The following LRRFIP2 variants were observed in gnomAD, a reference collection of about 807,000 sequenced individuals.
LRRFIP2 encodes LRR binding FLII interacting protein 2.
In LRRFIP2, 109 loss-of-function variants were observed where a neutral mutation model predicts 125.9. That is an observed-to-expected ratio of 0.87 (90% CI 0.74 to 1.01). The LOEUF is 1.01. Among genes scored for constraint, LRRFIP2 ranks in the 50% least tolerant of loss-of-function variants. LRRFIP2 has a pLI of 0.00. For synonymous variants in LRRFIP2, 291 were observed against 293.1 expected, an observed-to-expected ratio of 0.99 and a Z score of 0.07; for missense variants, 850 against 862.3, an observed-to-expected ratio of 0.99 and a Z score of 0.18.
At chr3:37,173,521 C>T (rs772705631) in intron 1 of LRRFIP2, among the ~76,000 whole-genome samples, 1 of 152,140 alleles carries the variant, frequency 6.6e-6, no homozygotes, top group Non-Finnish European at 1.5e-5. Flanking sequence ...GTACATTTTC[C>T]CTATTAAAGG....
chr3:37,139,929 A>G (rs1291923985), intron 2 of LRRFIP2, among the ~76,000 whole-genome samples: 1 of 151,996 alleles, frequency 6.6e-6, no homozygotes, highest in Non-Finnish European at 1.5e-5. Flanking sequence ...TGCTCATATC[A>G]CCTTATTGAA....
At chr3:37,133,929 T>C (rs1439108261) in intron 2 of LRRFIP2, among the ~76,000 whole-genome samples, 6 of 152,158 alleles carry the variant, frequency 3.9e-5, no homozygotes, top group Admixed American at 6.6e-5. Context: ...CCAACTGTTA[T>C]AATAAAGTTA....
intron 1 of LRRFIP2, among the ~76,000 whole-genome samples, chr3:37,156,714 T>C (rs2096210869): frequency 8.5e-6 from 1 of 118,296 alleles, no homozygotes; most frequent in Non-Finnish European, 1.8e-5. Context: ...GAAGTGTGGA[T>C]GACTAGGTGA....
chr3:37,130,408 A>G (rs1457964064), intron 2 of LRRFIP2, among the ~76,000 whole-genome samples: 2 of 152,200 alleles, frequency 1.3e-5, no homozygotes, highest in African/African-American at 4.8e-5. Context: ...TTATGGTTAA[A>G]GCAAAAATTC....
In LRRFIP2 at chr3:37,054,395, A is replaced by T; in HGVS notation, c.2055+16T>A. 1.3e-6 allele frequency: 2 copies of T among 1,579,172 alleles called. No homozygotes were observed. Among genetic ancestry groups the T allele is most frequent in the Non-Finnish European group, 1.7e-6 (2 of 1,150,256 alleles). On this transcript the variant is annotated intron_variant, in intron 27 of 27. Transcript: ENST00000336686. The stretch of plus-strand genomic sequence containing the variant: ...TTTAGGAATGTATTCTCCAAGAAAC[A>T]TATTAAAAGAAGTACCTCTCGTTGT...
chr3:37,141,278 G>C (rs1246594522), intron 2 of LRRFIP2, among the ~76,000 whole-genome samples: 2 of 152,178 alleles, frequency 1.3e-5, no homozygotes, highest in Non-Finnish European at 2.9e-5. Flanking sequence ...ACCCTTTAAT[G>C]GCTCCCCACA....
rs1290113343 is a variant in LRRFIP2 at position 37,108,665 on chromosome 3, C to A, written c.629G>T (p.Gly210Val). The A allele has an allele frequency of 6.2e-6, 10 of 1,610,482 alleles. No homozygotes were observed. Among genetic ancestry groups the A allele is most frequent in the Non-Finnish European group, 8.5e-6 (10 of 1,176,978 alleles). ...SASLASLYNG[G>V]LYNPYGPRTP... The stretch of plus-strand genomic sequence containing the variant: ...TCGAGGACCATAAGGGTTATATAAT[C>A]CACCATTGTACAATGATGCCTAAGG... Residue 210 changes from glycine (G) to valine (V), a missense_variant, in exon 12 of 28, where the codon GGA (glycine) becomes GTA (valine). Gly to Val is a moderately radical substitution (Grantham distance 109). Coordinates refer to ENST00000336686, the MANE Select transcript of LRRFIP2 (RefSeq NM_006309.4).
chr3:37,079,075 GA>G (rs1213489402), intron 19 of LRRFIP2, among the ~76,000 whole-genome samples: 4 of 151,828 alleles, frequency 2.6e-5, no homozygotes, highest in Non-Finnish European at 4.4e-5. Flanking sequence ...CTTATATCTA[GA>G]ATATATAAAC....
At chr3:37,126,307 G>C (rs531087154) in intron 4 of LRRFIP2, among the ~76,000 whole-genome samples, 55 of 152,290 alleles carry the variant, frequency 3.6e-4, no homozygotes, top group African/African-American at 1.3e-3. Flanking sequence ...TGGGATTACA[G>C]GCATGGGCCA....
In LRRFIP2 at chr3:37,083,566, A is replaced by G. The variant is rs112667225; in HGVS notation, c.1278+70T>C. 6.8e-6 allele frequency: 8 copies of G among 1,170,846 alleles called. No homozygotes were observed. The Admixed American group carries it at 2.3e-4, about 34-fold the overall frequency. The allele number at this position is 1,170,846 out of a possible 1,614,324, so 72.5% of individuals were successfully genotyped here. Reference sequence around the variant, plus strand: ...ATCATTCCTAAATAAGTATGCTGCAATCTTCCATCACTTTGTAAGTGGCAG... The same window carrying G: ...ATCATTCCTAAATAAGTATGCTGCAGTCTTCCATCACTTTGTAAGTGGCAG... On this transcript the variant is annotated intron_variant, in intron 19 of 27. Transcript: ENST00000336686.
At position 37,060,355 on chromosome 3, in the gene LRRFIP2, C is replaced by T. The variant is rs546644052; in HGVS notation, c.1750-1445G>A. Among the ~76,000 whole-genome samples the T allele has an allele frequency of 8.5e-5, 13 of 152,330 alleles. No homozygotes were observed. In the South Asian group the frequency reaches 1.7e-3, roughly 19 times the overall value. ...ACAGGGTCTCGCTCTGTGGCCCAGACTGGAGTGCAGTGGCATGATCTCAGC... is the reference window on the plus strand; with the variant it reads ...ACAGGGTCTCGCTCTGTGGCCCAGATTGGAGTGCAGTGGCATGATCTCAGC... On this transcript the variant is annotated intron_variant, in intron 24 of 27. Coordinates refer to ENST00000336686, the MANE Select transcript of LRRFIP2 (RefSeq NM_006309.4). This position sits in a 1 kb window ranked among gnomAD's most constrained non-coding sequence, Gnocchi z 4.1.
intron 15 of LRRFIP2, among the ~76,000 whole-genome samples, chr3:37,100,754 T>C (rs2093993192): frequency 1.3e-5 from 2 of 152,192 alleles, no homozygotes. Context: ...GTAAGTTTAA[T>C]TGTCCATACT....
At chr3:37,157,678 A>AG (rs538806480) in intron 1 of LRRFIP2, among the ~76,000 whole-genome samples, 64 of 152,304 alleles carry the variant, frequency 4.2e-4, no homozygotes, top group African/African-American at 1.4e-3. Context: ...AGAATATAGA[A>AG]GGTACATTCA....
At chr3:37,150,708 A>G (rs7630221) in intron 1 of LRRFIP2, among the ~76,000 whole-genome samples, 76,193 of 151,996 alleles carry the variant, frequency 0.5, 19,914 homozygotes, top group African/African-American at 0.53. Flanking sequence ...TAAATATTCC[A>G]TAACTTAAAA....
intron 1 of LRRFIP2, chr3:37,170,616 T>A (rs911763361): frequency 4.6e-5 from 7 of 152,214 alleles, no homozygotes; most frequent in African/African-American, 1.7e-4. Context: ...GGTCTCTGAA[T>A]TGGACTGCTA....
chr3:37,075,199 G>T, intron 19 of LRRFIP2, 83 bp from the exon 20 acceptor site: 1 of 832,234 alleles, frequency 1.2e-6, no homozygotes, highest in South Asian at 1.7e-5. Context: ...CAGAGGTTAA[G>T]TATGACCTCC....
chr3:37,106,848 A>G (rs967246865), intron 13 of LRRFIP2, among the ~76,000 whole-genome samples: 2 of 152,180 alleles, frequency 1.3e-5, no homozygotes, highest in African/African-American at 4.8e-5. Flanking sequence ...TGGTCATTGT[A>G]TAAGTGTCTA....
At chr3:37,067,451 T>A (rs2090371254) in intron 21 of LRRFIP2, 1 of 152,244 alleles carries the variant, frequency 6.6e-6, no homozygotes, top group South Asian at 2.1e-4. Flanking sequence ...TTTGTTCATA[T>A]ATTTAATGTC....
At chr3:37,093,025 A>G (rs1303870394) in intron 17 of LRRFIP2, 1 of 152,204 alleles carries the variant, frequency 6.6e-6, no homozygotes, top group East Asian at 1.9e-4. Flanking sequence ...TTTTTAGTAG[A>G]GACGGGGTTT....
Sources: allele counts gnomAD v4.1 joint callset (sites outside exome capture counted in the v4.1 genomes callset), GRCh38; gene constraint gnomAD v4.1.1; non-coding constraint Gnocchi (gnomAD v3.1); transcripts MANE v1.5; gene names NCBI Gene and HGNC (gene_info 2026-07-23, HGNC 2026-07-21).